PITPNM3: variants seen among roughly 807,000 people sequenced by gnomAD.
PITPNM3 encodes the protein PITPNM family member 3.
A neutral mutation model predicts 102.0 loss-of-function variants in PITPNM3; 26 were observed. The observed-to-expected ratio is 0.25, with a 90% CI of 0.19 to 0.35. The LOEUF (loss-of-function observed/expected upper bound fraction) is 0.35, where lower values mean the gene tolerates loss of function less well. Ranked by LOEUF, PITPNM3 falls within the 10% of genes least tolerant of loss-of-function variation. The pLI, the probability that PITPNM3 is intolerant of heterozygous loss-of-function variation, is 1.00. For synonymous variants in PITPNM3, 578 were observed against 558.6 expected (o/e 1.03, Z -0.49); for missense variants, 1,083 against 1,346.1 (o/e 0.80, Z 3.06).
At chr17:6,520,479 G>C (rs1355056615) in intron 3 of PITPNM3, among the ~76,000 whole-genome samples, 1 of 152,188 alleles carries the variant, frequency 6.6e-6, no homozygotes, top group Non-Finnish European at 1.5e-5. Flanking sequence ...CATATGAAAA[G>C]CTCTCCAAGA....
intron 3 of PITPNM3, among the ~76,000 whole-genome samples, chr17:6,519,179 T>TAAAAAAAAAAAAAA (rs1172808204): frequency 1.4e-5 from 1 of 72,658 alleles, no homozygotes; most frequent in Non-Finnish European, 3.0e-5. Flanking sequence ...CTACTAAAAA[T>TAAAAAAAAAAAAAA]ACAAAAAATT....
chr17:6,524,472 A>G (rs1908714690), intron 3 of PITPNM3, among the ~76,000 whole-genome samples: 1 of 152,174 alleles, frequency 6.6e-6, no homozygotes, highest in South Asian at 2.1e-4. Context: ...TACAGCCCTC[A>G]GCTGAAGATC....
At chr17:6,493,199 C>T (rs1906598415) in intron 4 of PITPNM3, among the ~76,000 whole-genome samples, 1 of 152,244 alleles carries the variant, frequency 6.6e-6, no homozygotes, top group Admixed American at 6.5e-5. Context: ...ACCTCTAAGG[C>T]TGCACAAACC....
At chr17:6,475,554 C>T (rs999129686) in intron 9 of PITPNM3, among the ~76,000 whole-genome samples, 9 of 152,228 alleles carry the variant, frequency 5.9e-5, no homozygotes, top group Admixed American at 1.3e-4. Context: ...CCTCAGTCTC[C>T]GCACTCCCTC....
chr17:6,547,869 C>T (rs929141660), intron 1 of PITPNM3, among the ~76,000 whole-genome samples: 4 of 152,086 alleles, frequency 2.6e-5, no homozygotes, highest in Admixed American at 6.6e-5. Context: ...GCTGGGATTA[C>T]AGGCATGCAC....
rs1913853170 is a variant in PITPNM3, at chr17:6,451,875, C to CCCT, written c.*3462_*3463insAGG. 4.9e-5 allele frequency: 1 copy of CCCT among 20,474 alleles called. No individual in the cohort carries two copies. Among genetic ancestry groups the CCCT allele is most frequent in the African/African-American group, 2.6e-4 (1 of 3,908 alleles). 1.3% of individuals were successfully genotyped at this position (20,474 alleles called of 1,614,324 possible). A position where few individuals can be genotyped will look rare whatever the true frequency, so the allele number is the denominator to read the frequency against. ...TTTCCAGGGCACTTGGCACCCAAAC[C>CCCT]CCCCCCCCCCGCCCGCCGATGGGAT... On this transcript the variant is annotated 3_prime_UTR_variant, in exon 20 of 20. Coordinates refer to ENST00000262483, the MANE Select transcript of PITPNM3 (RefSeq NM_031220.4).
At chr17:6,522,157 T>C (rs185103333) in intron 3 of PITPNM3, among the ~76,000 whole-genome samples, 2 of 152,258 alleles carry the variant, frequency 1.3e-5, no homozygotes, top group Admixed American at 1.3e-4. Flanking sequence ...AAGGCCGGTC[T>C]TTATGAGGAC....
At chr17:6,553,407 G>C (rs139345757) in intron 1 of PITPNM3, among the ~76,000 whole-genome samples, 10 of 152,080 alleles carry the variant, frequency 6.6e-5, no homozygotes, top group African/African-American at 2.2e-4. Context: ...CTTGTACCTG[G>C]ATTCTCCTGG....
At chr17:6,527,885 CA>C (rs2150647833) in intron 2 of PITPNM3, among the ~76,000 whole-genome samples, 1 of 152,364 alleles carries the variant, frequency 6.6e-6, no homozygotes, top group Admixed American at 6.5e-5. Context: ...GTGGTTTATG[CA>C]AGGCTACTGG....
intron 4 of PITPNM3, among the ~76,000 whole-genome samples, chr17:6,498,312 T>A (rs1199439489): frequency 2.0e-5 from 3 of 152,206 alleles, no homozygotes; most frequent in South Asian, 2.1e-4. Context: ...ACAAGAAAAC[T>A]GTGCTTAGAG....
At chr17:6,548,590 A>G (rs1253953400) in intron 1 of PITPNM3, among the ~76,000 whole-genome samples, 1 of 152,106 alleles carries the variant, frequency 6.6e-6, no homozygotes, top group South Asian at 2.1e-4. Flanking sequence ...CAGAACAATC[A>G]GAAAAGGTCA....
intron 3 of PITPNM3, among the ~76,000 whole-genome samples, chr17:6,504,674 C>T (rs1479161531): frequency 6.6e-6 from 1 of 152,154 alleles, no homozygotes; most frequent in Non-Finnish European, 1.5e-5. Flanking sequence ...ATCCAGTGCT[C>T]GCTAAGAACC....
chr17:6,461,690 GGGA>G, intron 17 of PITPNM3, 134 bp from the exon 18 acceptor site: 1 of 1,046,292 alleles, frequency 9.6e-7, no homozygotes, highest in Non-Finnish European at 1.5e-6. Flanking sequence ...GAGAACAAGG[GGGA>G]CCCCGAATCC....
rs1567656792 is a variant in PITPNM3 at position 6,455,708 on chromosome 17, G to GGGGAGGGGAGGAGAT, written c.2620-66_2620-65insATCTCCTCCCCTCCC. The GGGGAGGGGAGGAGAT allele has an allele frequency of 5.6e-3, 1,140 of 202,212 alleles. 385 individuals are homozygous for GGGGAGGGGAGGAGAT. The highest frequency in any genetic ancestry group is 0.016 in the South Asian group (334 of 20,266). The allele number at this position is 202,212 out of a possible 1,614,324, so 12.5% of individuals were successfully genotyped here. On this transcript the variant is annotated intron_variant, in intron 19 of 19. Coordinates refer to ENST00000262483, the MANE Select transcript of PITPNM3 (RefSeq NM_031220.4). ...GCAGCAGCGCAGGGGGAAGAAGGGA[G>GGGGAGGGGAGGAGAT]GGGAGGGGGAAGAGGGGAGGGGAGG...
At chr17:6,544,654 T>TCTCACACACACATA (rs376230474) in intron 1 of PITPNM3, among the ~76,000 whole-genome samples, 1 of 130,206 alleles carries the variant, frequency 7.7e-6, no homozygotes, top group Admixed American at 7.9e-5. Context: ...TCTCTCTCTC[T>TCTCACACACACATA]CACACACACA....
At chr17:6,456,317 T>TG in intron 19 of PITPNM3, among the ~76,000 whole-genome samples, 1 of 152,320 alleles carries the variant, frequency 6.6e-6, no homozygotes, top group East Asian at 1.9e-4. Context: ...GCTTGGCCTC[T>TG]GGATTCTTGA....
At position 6,484,848 on chromosome 17, in the gene PITPNM3, G is replaced by A. The variant is rs543548403; in HGVS notation, c.275-556C>T. ...GCCCTCACCAAGGCAGGTGGGCACC[G>A]TGCAGTCCGTGAGGGTCTGAGCAGA... On this transcript the variant is annotated intron_variant, in intron 4 of 19. Transcript: ENST00000262483. Among the ~76,000 whole-genome samples, 17 of 152,324 alleles carry A rather than the reference G, an allele frequency of 1.1e-4. No homozygotes were observed. In the East Asian group the frequency reaches 1.9e-3, roughly 17 times the overall value.
chr17:6,452,352 G>A lies in PITPNM3; in HGVS notation c.*2986C>T, dbSNP rs375019103. On this transcript the variant is annotated 3_prime_UTR_variant, in exon 20 of 20. Coordinates refer to ENST00000262483, the MANE Select transcript of PITPNM3 (RefSeq NM_031220.4). Reference sequence around the variant, plus strand: ...AAAGGAAGGTGGCAGGCAGGCCCTCGGCTACGACAGCCACCGGATCGGGAA... The same window carrying A: ...AAAGGAAGGTGGCAGGCAGGCCCTCAGCTACGACAGCCACCGGATCGGGAA... 1.3e-5 allele frequency: 2 copies of A among 152,132 alleles called. No individual in the cohort carries two copies. Among genetic ancestry groups the A allele is most frequent in the African/African-American group, 2.4e-5 (1 of 41,388 alleles). 9.4% of individuals were successfully genotyped at this position (152,132 alleles called of 1,614,324 possible).
At chr17:6,549,786 C>T (rs1445221711) in intron 1 of PITPNM3, among the ~76,000 whole-genome samples, 1 of 152,150 alleles carries the variant, frequency 6.6e-6, no homozygotes. Context: ...GTTATGCATT[C>T]TCTCCTCCCC....
Sources: gnomAD v4.1 joint callset for allele counts (sites outside exome capture counted in the v4.1 genomes callset) on GRCh38, gnomAD v4.1.1 for gene constraint, MANE v1.5 for transcripts, NCBI Gene and HGNC (gene_info 2026-07-23, HGNC 2026-07-21) for gene names.